The following CNTN5 variants were observed in gnomAD, a reference collection of about 807,000 sequenced individuals.
CNTN5 encodes contactin 5.
Under a neutral mutation model 129.1 loss-of-function variants are expected in CNTN5, and 77 were observed. That is an observed-to-expected ratio of 0.60 (90% CI 0.50 to 0.72). The LOEUF (loss-of-function observed/expected upper bound fraction) is 0.72. CNTN5 is among the 30% of genes least tolerant of loss of function. The pLI is 0.00. For synonymous variants in CNTN5, 509 were observed against 465.6 expected, an observed-to-expected ratio of 1.09 and a Z score of -1.20; for missense variants, 1,478 against 1,328.8, an observed-to-expected ratio of 1.11 and a Z score of -1.75.
chr11:99,141,176 G>A (rs1859496757), intron 1 of CNTN5, among the ~76,000 whole-genome samples: 1 of 151,964 alleles, frequency 6.6e-6, no homozygotes, highest in Non-Finnish European at 1.5e-5. Flanking sequence ...TTTGGATCTT[G>A]TTATTTGTCC....
rs189750844 is a variant in CNTN5, at chr11:99,826,991, A to T, written c.277+7226A>T. 6.6e-5 allele frequency among the ~76,000 whole-genome samples: 10 copies of T among 152,330 alleles called. No individual in the cohort carries two copies. The East Asian group carries it at 1.7e-3, about 26-fold the overall frequency. On this transcript the variant is annotated intron_variant, in intron 4 of 24. Coordinates refer to ENST00000524871, the MANE Select transcript of CNTN5 (RefSeq NM_014361.4). ...GTAGCAGAGATAAAGAGAAAATAAT[A>T]GTTCATCACCCTGTATTCTACTAGA...
intron 2 of CNTN5, among the ~76,000 whole-genome samples, chr11:99,371,850 T>C (rs1455237773): frequency 1.3e-5 from 2 of 152,216 alleles, no homozygotes; most frequent in East Asian, 1.9e-4. Context: ...TTCGATACTG[T>C]CATTTTCCCT....
Position 99,340,208 on chromosome 11 carries a change from G to A in CNTN5, c.-71+14724G>A, listed in dbSNP as rs998045588. Among the ~76,000 whole-genome samples, 7 of 152,140 alleles carry A rather than the reference G, an allele frequency of 4.6e-5. 1 individual carries two copies. On this transcript the variant is annotated intron_variant, in intron 2 of 24. Transcript: ENST00000524871. ...CAGAGAAAGCAGTTTGGGATGGGAA[G>A]ATTAAGGAGATCATTTCCAGACAGG...
At chr11:99,196,266 G>A (rs959108309) in intron 1 of CNTN5, among the ~76,000 whole-genome samples, 4 of 151,702 alleles carry the variant, frequency 2.6e-5, no homozygotes, top group Non-Finnish European at 4.4e-5. Flanking sequence ...CCACATGCAT[G>A]GCACATATTT....
rs928072634 is a variant in CNTN5 at position 99,192,980 on chromosome 11, A to T, written c.-209-132366A>T. On this transcript the variant is annotated intron_variant, in intron 1 of 24. Transcript: ENST00000524871. ...TACATAATCACAGGCTATGAGTAACACTTGAGAAAAACAAAGTGATAATCT... is the reference window on the plus strand; with the variant it reads ...TACATAATCACAGGCTATGAGTAACTCTTGAGAAAAACAAAGTGATAATCT... 3.3e-5 allele frequency among the ~76,000 whole-genome samples: 5 copies of T among 152,088 alleles called. No homozygotes were observed. The East Asian group carries it at 9.6e-4, about 29-fold the overall frequency.
chr11:100,320,391 A>C (rs569886339), intron 21 of CNTN5, among the ~76,000 whole-genome samples: 2 of 152,096 alleles, frequency 1.3e-5, no homozygotes, highest in South Asian at 4.2e-4. Context: ...TTAATCGGTT[A>C]ATTTGTTTTC....
chr11:99,678,812 C>T (rs894735314), intron 3 of CNTN5, among the ~76,000 whole-genome samples: 2 of 151,708 alleles, frequency 1.3e-5, no homozygotes, highest in African/African-American at 4.8e-5. Flanking sequence ...TACTAGGTGT[C>T]CACATGAGAA....
intron 16 of CNTN5, among the ~76,000 whole-genome samples, chr11:100,228,235 G>A (rs1949419383): frequency 6.6e-6 from 1 of 152,078 alleles, no homozygotes; most frequent in African/African-American, 2.4e-5. Context: ...ATAATCTCTC[G>A]AGTCCTTCTG....
At chr11:99,787,580 A>T (rs925881861) in intron 3 of CNTN5, among the ~76,000 whole-genome samples, 1 of 151,902 alleles carries the variant, frequency 6.6e-6, no homozygotes, top group Non-Finnish European at 1.5e-5. Context: ...CAACTCTTCT[A>T]ATCAATAAGT....
intron 4 of CNTN5, among the ~76,000 whole-genome samples, chr11:99,820,220 T>C (rs1448804346): frequency 6.6e-6 from 1 of 152,286 alleles, no homozygotes; most frequent in African/African-American, 2.4e-5. Flanking sequence ...ATACCAATTA[T>C]AATTTAGGAT....
intron 2 of CNTN5, among the ~76,000 whole-genome samples, chr11:99,459,711 A>G (rs1224606090): frequency 6.6e-6 from 1 of 152,044 alleles, no homozygotes; most frequent in East Asian, 1.9e-4. Context: ...TAACCTAATG[A>G]AGCTTAAGGT....
intron 3 of CNTN5, among the ~76,000 whole-genome samples, chr11:99,571,065 T>C (rs751698365): frequency 2.0e-5 from 3 of 151,986 alleles, no homozygotes; most frequent in African/African-American, 7.2e-5. Context: ...AATAATGAGA[T>C]AGACAATGGC....
At chr11:99,302,912 G>A (rs541930676) in intron 1 of CNTN5, among the ~76,000 whole-genome samples, 164 of 151,284 alleles carry the variant, frequency 1.1e-3, no homozygotes, top group African/African-American at 3.4e-3. Context: ...TTAATATTAA[G>A]TAAATATTAA....
At chr11:99,142,583 G>A (rs1042435995) in intron 1 of CNTN5, among the ~76,000 whole-genome samples, 13 of 152,090 alleles carry the variant, frequency 8.5e-5, no homozygotes, top group South Asian at 6.2e-4. Context: ...AGACCAGACT[G>A]GATGGTGCTC....
chr11:100,026,124 G>A (rs73561007), intron 9 of CNTN5, among the ~76,000 whole-genome samples: 1,989 of 152,188 alleles, frequency 0.013, 61 homozygotes, highest in African/African-American at 0.046. Context: ...ACCTGGTGAA[G>A]GTAACTGAAT....
intron 7 of CNTN5, among the ~76,000 whole-genome samples, chr11:99,917,628 G>T (rs1057121213): frequency 6.6e-6 from 1 of 151,982 alleles, no homozygotes; most frequent in Non-Finnish European, 1.5e-5. Flanking sequence ...TGACCCCTGT[G>T]GGAAAATAAG....
chr11:99,297,425 C>G (rs1341341977), intron 1 of CNTN5, among the ~76,000 whole-genome samples: 3 of 152,050 alleles, frequency 2.0e-5, no homozygotes, highest in Non-Finnish European at 4.4e-5. Flanking sequence ...CCACAGCCAT[C>G]AGCACAGAGT....
intron 6 of CNTN5, among the ~76,000 whole-genome samples, chr11:99,914,038 C>G (rs566588093): frequency 1.3e-5 from 2 of 152,038 alleles, no homozygotes; most frequent in South Asian, 2.1e-4. Context: ...TTGCTTGAGA[C>G]CAGTGTTGGC....
At chr11:99,903,527 T>A (rs1267898715) in intron 6 of CNTN5, among the ~76,000 whole-genome samples, 1 of 152,096 alleles carries the variant, frequency 6.6e-6, no homozygotes, top group Non-Finnish European at 1.5e-5. Flanking sequence ...GTTAATTATG[T>A]TTTTCTCATT....
Sources: allele counts gnomAD v4.1 joint callset (sites outside exome capture counted in the v4.1 genomes callset), GRCh38; gene constraint gnomAD v4.1.1; transcripts MANE v1.5; gene names NCBI Gene and HGNC (gene_info 2026-07-23, HGNC 2026-07-21).